Variants in FHOD3 observed in about 807,000 individuals in gnomAD.
FHOD3 encodes formin homology 2 domain containing 3.
Under a neutral mutation model 173.0 loss-of-function variants are expected in FHOD3, and 90 were observed. The ratio of observed to expected loss-of-function variants is 0.52; its 90% CI spans 0.44 to 0.62. The LOEUF (loss-of-function observed/expected upper bound fraction) is 0.62, where lower values mean the gene tolerates loss of function less well. FHOD3 is among the 20% of genes least tolerant of loss of function. The pLI, the probability that FHOD3 is intolerant of heterozygous loss-of-function variation, is 0.00. For synonymous variants in FHOD3, 828 were observed against 823.0 expected, an observed-to-expected ratio of 1.01 and a Z score of -0.10; for missense variants, 1,945 against 2,034.7, an observed-to-expected ratio of 0.96 and a Z score of 0.85.
chr18:36,512,669 C>A, intron 5 of FHOD3, 126 bp downstream of exon 5: 2 of 659,326 alleles, frequency 3.0e-6, no homozygotes, highest in South Asian at 3.6e-5. Context: ...GTAAAGACAC[C>A]CTTTGGCAAA....
At position 36,720,236 on chromosome 18, in the gene FHOD3, C is replaced by CTTTT. The variant is rs35295640; in HGVS notation, c.3417+1537_3417+1540dup. Among the ~76,000 whole-genome samples the CTTTT allele has an allele frequency of 6.2e-3, 743 of 119,134 alleles. 34 individuals are homozygous for CTTTT. Among genetic ancestry groups the CTTTT allele is most frequent in the African/African-American group, 0.023 (701 of 30,216 alleles). 78.2% of individuals were successfully genotyped at this position (119,134 alleles called of 152,430 possible). On this transcript the variant is annotated intron_variant, in intron 19 of 28. Transcript: ENST00000590592. Reference sequence around the variant, plus strand: ...GCCATCCACATGCCCCGTTCCAATTCTTTTTTTTTTTTTTTTTTTGAGGCA... The same window carrying CTTTT: ...GCCATCCACATGCCCCGTTCCAATTCTTTTTTTTTTTTTTTTTTTTTTTGAGGCA...
At chr18:36,462,362 C>T (rs547994626) in intron 3 of FHOD3, among the ~76,000 whole-genome samples, 4 of 152,164 alleles carry the variant, frequency 2.6e-5, no homozygotes, top group Admixed American at 6.5e-5. Context: ...GACAGAGTCT[C>T]GCTCTGTTGC....
chr18:36,547,166 T>G (rs1233732609), intron 5 of FHOD3, among the ~76,000 whole-genome samples: 1 of 151,990 alleles, frequency 6.6e-6, no homozygotes, highest in Non-Finnish European at 1.5e-5. Flanking sequence ...ACGAAGGACA[T>G]ATGAGAGTGT....
rs193252213 is a variant in FHOD3, at chr18:36,602,262, A to G, written c.719-412A>G. 4.6e-5 allele frequency among the ~76,000 whole-genome samples: 7 copies of G among 152,320 alleles called. No homozygotes were observed. In the East Asian group the frequency reaches 1.2e-3, roughly 25 times the overall value. ...ACTTATTTCTTTGAGTCACTGCTAG[A>G]GGGATGTTAAGATCTTCCACATCCC... On this transcript the variant is annotated intron_variant, in intron 7 of 28. Transcript: ENST00000590592.
rs1236840571 is a variant in FHOD3, at chr18:36,475,747, AACATACACACAC to A, written c.338-26181_338-26170del. Among the ~76,000 whole-genome samples the A allele has an allele frequency of 1.1e-4, 13 of 119,954 alleles. No homozygotes were observed. The South Asian group carries it at 2.3e-3, about 22-fold the overall frequency. 78.7% of individuals were successfully genotyped at this position (119,954 alleles called of 152,430 possible). ...AGGAGACTTTTACTTCATATATAGAAACATACACACACACACACACACACACACACACACACA... is the reference window on the plus strand; with the variant it reads ...AGGAGACTTTTACTTCATATATAGAAACACACACACACACACACACACACA... On this transcript the variant is annotated intron_variant, in intron 3 of 28. Coordinates refer to ENST00000590592, the MANE Select transcript of FHOD3 (RefSeq NM_001281740.3).
intron 13 of FHOD3, among the ~76,000 whole-genome samples, chr18:36,655,320 G>A (rs1376049010): frequency 2.6e-5 from 4 of 152,142 alleles, no homozygotes; most frequent in South Asian, 2.1e-4. Flanking sequence ...GTTAGCCCAC[G>A]GTGGTGATGC....
chr18:36,381,726 T>C (rs920887436), intron 3 of FHOD3, among the ~76,000 whole-genome samples: 1 of 152,226 alleles, frequency 6.6e-6, no homozygotes, highest in African/African-American at 2.4e-5. Context: ...AGAAAGAAGC[T>C]AAAAGGGTCA....
At chr18:36,571,181 T>A (rs978881186) in intron 5 of FHOD3, among the ~76,000 whole-genome samples, 3 of 152,132 alleles carry the variant, frequency 2.0e-5, no homozygotes, top group Admixed American at 6.5e-5. Context: ...AGTTATAGGA[T>A]ATAAGGCCAA....
At chr18:36,550,860 G>A (rs1188979643) in intron 5 of FHOD3, among the ~76,000 whole-genome samples, 2 of 152,056 alleles carry the variant, frequency 1.3e-5, no homozygotes, top group African/African-American at 4.8e-5. Context: ...CATGTCGTCT[G>A]TGAATAAAGC....
At chr18:36,542,726 G>T (rs866766595) in intron 5 of FHOD3, among the ~76,000 whole-genome samples, 1 of 152,026 alleles carries the variant, frequency 6.6e-6, no homozygotes, top group African/African-American at 2.4e-5. Flanking sequence ...CCTTTTAAAG[G>T]GGATGAATTT....
At chr18:36,375,818 TAG>T (rs1405943322) in intron 3 of FHOD3, among the ~76,000 whole-genome samples, 88 of 152,276 alleles carry the variant, frequency 5.8e-4, no homozygotes, top group African/African-American at 2.0e-3. Flanking sequence ...GATTTTGGTA[TAG>T]AGAGAGGCCT....
intron 6 of FHOD3, among the ~76,000 whole-genome samples, chr18:36,581,355 T>G (rs2058845001): frequency 6.6e-6 from 1 of 152,148 alleles, no homozygotes; most frequent in African/African-American, 2.4e-5. Flanking sequence ...TGTCTCTTTA[T>G]CTCTATGGAT....
chr18:36,550,863 A>C (rs1451211641), intron 5 of FHOD3, among the ~76,000 whole-genome samples: 1 of 152,164 alleles, frequency 6.6e-6, no homozygotes, highest in Non-Finnish European at 1.5e-5. Flanking sequence ...GTCGTCTGTG[A>C]ATAAAGCCAG....
chr18:36,642,346 G>A (rs992979036), intron 10 of FHOD3, among the ~76,000 whole-genome samples: 16 of 152,052 alleles, frequency 1.1e-4, no homozygotes, highest in African/African-American at 3.6e-4. Flanking sequence ...TAGGCCAGGC[G>A]CAGTGGTTCA....
At chr18:36,474,526 T>A (rs1345864594) in intron 3 of FHOD3, among the ~76,000 whole-genome samples, 2 of 152,158 alleles carry the variant, frequency 1.3e-5, no homozygotes, top group Non-Finnish European at 2.9e-5. Context: ...TAGAGCTGTT[T>A]CCCTGCAGCT....
chr18:36,463,647 C>T (rs374564738), intron 3 of FHOD3, among the ~76,000 whole-genome samples: 33 of 152,034 alleles, frequency 2.2e-4, no homozygotes, highest in East Asian at 1.9e-3. Flanking sequence ...AGGTGTGCAC[C>T]ACCATGCCCA....
At chr18:36,741,313 C>A (rs2041891207) in intron 21 of FHOD3, among the ~76,000 whole-genome samples, 1 of 152,136 alleles carries the variant, frequency 6.6e-6, no homozygotes, top group Non-Finnish European at 1.5e-5. Context: ...TGAGGAGGCT[C>A]CTCCTGAGTA....
At chr18:36,419,622 G>A (rs1278843411) in intron 3 of FHOD3, among the ~76,000 whole-genome samples, 1 of 152,208 alleles carries the variant, frequency 6.6e-6, no homozygotes, top group Non-Finnish European at 1.5e-5. Context: ...AAGCAAACCT[G>A]CATCTGTGCT....
At chr18:36,711,906 C>A (rs2040190594) in intron 18 of FHOD3, among the ~76,000 whole-genome samples, 1 of 152,200 alleles carries the variant, frequency 6.6e-6, no homozygotes, top group South Asian at 2.1e-4. Context: ...TCAATGGAGA[C>A]TGATAAGAAG....
Sources: gnomAD v4.1 joint callset for allele counts (sites outside exome capture counted in the v4.1 genomes callset) on GRCh38, gnomAD v4.1.1 for gene constraint, MANE v1.5 for transcripts, NCBI Gene and HGNC (gene_info 2026-07-23, HGNC 2026-07-21) for gene names.